The following PANK3 variants were observed in gnomAD, a reference collection of about 807,000 sequenced individuals.
The protein encoded by PANK3 is hPanK3.
PANK3 carries 20 observed loss-of-function variants against 39.4 expected under a neutral mutation model. The observed-to-expected ratio is 0.51, with a 90% CI of 0.36 to 0.74. The LOEUF (loss-of-function observed/expected upper bound fraction) is 0.74, where lower values mean the gene tolerates loss of function less well. PANK3 is among the 30% of genes least tolerant of loss of function. PANK3 has a pLI of 0.00. For synonymous variants in PANK3, 140 were observed against 157.3 expected (o/e 0.89, Z 0.82); for missense variants, 265 against 437.0 (o/e 0.61, Z 3.51).
chr5:168,574,677 A>G (rs1432989150), intron 1 of PANK3, among the ~76,000 whole-genome samples: 3 of 152,166 alleles, frequency 2.0e-5, no homozygotes, highest in Non-Finnish European at 2.9e-5. Flanking sequence ...CCTGGGCAAC[A>G]TGGTGAAACC....
chr5:168,560,736 CG>C (rs1759433117), intron 5 of PANK3, among the ~76,000 whole-genome samples: 2 of 152,074 alleles, frequency 1.3e-5, no homozygotes, highest in Non-Finnish European at 2.9e-5. Flanking sequence ...AAAAATTAAA[CG>C]GGCAAATATA....
chr5:168,554,465 T>C lies in PANK3; in HGVS notation c.*3106A>G, dbSNP rs552872299. ...TTATACTCAAGTCCTTATATTCGAT[T>C]ACAGGCATGAGCCACTGCACCCAGC... On this transcript the variant is annotated 3_prime_UTR_variant, in exon 7 of 7. Transcript: ENST00000239231. The C allele has an allele frequency of 6.6e-6, 1 of 152,342 alleles. No individual in the cohort carries two copies. Among genetic ancestry groups the C allele is most frequent in the East Asian group, 1.9e-4 (1 of 5,188 alleles). 9.4% of individuals were successfully genotyped at this position (152,342 alleles called of 1,614,324 possible).
chr5:168,559,369 G>A (rs182496486), intron 5 of PANK3, among the ~76,000 whole-genome samples: 1 of 152,248 alleles, frequency 6.6e-6, no homozygotes, highest in African/African-American at 2.4e-5. Context: ...TCCACAAAAT[G>A]TGTAACACCA....
rs530601898 is a variant in PANK3, at chr5:168,555,649, C to T, written c.*1922G>A. 2.6e-5 allele frequency: 4 copies of T among 152,280 alleles called. No homozygotes were observed. The highest frequency in any genetic ancestry group is 7.2e-5 in the African/African-American group (3 of 41,532). The allele number at this position is 152,280 out of a possible 1,614,324, so 9.4% of individuals were successfully genotyped here. On this transcript the variant is annotated 3_prime_UTR_variant, in exon 7 of 7. Coordinates refer to ENST00000239231, the MANE Select transcript of PANK3 (RefSeq NM_024594.4). ...TAGGAGATATTTAACCTTTTATTGT[C>T]CTTTAGAGCACATCTCAATTTGGAC... is the stretch of plus-strand genomic sequence containing the variant.
At chr5:168,559,505 G>A (rs115996182) in intron 5 of PANK3, among the ~76,000 whole-genome samples, 247 of 152,102 alleles carry the variant, frequency 1.6e-3, no homozygotes, top group African/African-American at 5.7e-3. Flanking sequence ...TATGGAAGGT[G>A]GTATATGGGA....
rs1463820467 is a variant in PANK3, at chr5:168,557,309, A to T, written c.*262T>A. On this transcript the variant is annotated 3_prime_UTR_variant, in exon 7 of 7. Transcript: ENST00000239231. ...TACTGCAATGTTGGCTACATAAAATAAAAAAATCTTTTTAAGAGGAAGCTC... is the reference window on the plus strand; with the variant it reads ...TACTGCAATGTTGGCTACATAAAATTAAAAAATCTTTTTAAGAGGAAGCTC... The T allele has an allele frequency of 2.2e-5, 10 of 461,188 alleles. No homozygotes were observed. The highest frequency in any genetic ancestry group is 5.9e-5 in the African/African-American group (3 of 51,164). The allele number at this position is 461,188 out of a possible 1,614,324, so 28.6% of individuals were successfully genotyped here. A position where few individuals can be genotyped will look rare whatever the true frequency, so the allele number is the denominator to read the frequency against.
chr5:168,548,758 A>G lies in PANK3; in HGVS notation c.*8813T>C, dbSNP rs1759231545. On this transcript the variant is annotated 3_prime_UTR_variant, in exon 7 of 7. Coordinates refer to ENST00000239231, the MANE Select transcript of PANK3 (RefSeq NM_024594.4). ...TTCAAATTTACATAAGATACTGTAC[A>G]TAAATGAAAAAATAAATTAGGTAAT... The G allele has an allele frequency of 6.6e-6, 1 of 152,358 alleles. No homozygotes were observed. The highest frequency in any genetic ancestry group is 1.5e-5 in the Non-Finnish European group (1 of 68,034). 9.4% of individuals were successfully genotyped at this position (152,358 alleles called of 1,614,324 possible). A position where few individuals can be genotyped will look rare whatever the true frequency, so the allele number is the denominator to read the frequency against.
Position 168,552,317 on chromosome 5 carries a change from T to C in PANK3, c.*5254A>G, listed in dbSNP as rs1034324950. 1.3e-5 allele frequency: 2 copies of C among 152,204 alleles called. No homozygotes were observed. The highest frequency in any genetic ancestry group is 6.5e-5 in the Admixed American group (1 of 15,278). The allele number at this position is 152,204 out of a possible 1,614,324, so 9.4% of individuals were successfully genotyped here. ...TGCTTCAGTGAAGTACGTATGTATT[T>C]TGGGTTGTTGGGAACTATGCCCAGT... is the stretch of plus-strand genomic sequence containing the variant. On this transcript the variant is annotated 3_prime_UTR_variant, in exon 7 of 7. Coordinates refer to ENST00000239231, the MANE Select transcript of PANK3 (RefSeq NM_024594.4).
At position 168,555,586 on chromosome 5, in the gene PANK3, C is replaced by T. The variant is rs1003999780; in HGVS notation, c.*1985G>A. 3 of 152,160 alleles carry T rather than the reference C, an allele frequency of 2.0e-5. No homozygotes were observed. Among genetic ancestry groups the T allele is most frequent in the Non-Finnish European group, 2.9e-5 (2 of 68,026 alleles). The allele number at this position is 152,160 out of a possible 1,614,324, so 9.4% of individuals were successfully genotyped here. A position where few individuals can be genotyped will look rare whatever the true frequency, so the allele number is the denominator to read the frequency against. On this transcript the variant is annotated 3_prime_UTR_variant, in exon 7 of 7. Transcript: ENST00000239231. ...GTATTTTTCTTTAACCCAATATTTC[C>T]AATGTTAACATTTCAACATGTAATC...
In PANK3 at chr5:168,562,662, A is replaced by T. The variant is rs573162122; in HGVS notation, c.813-1146T>A. Among the ~76,000 whole-genome samples, 10 of 152,316 alleles carry T rather than the reference A, an allele frequency of 6.6e-5. No homozygotes were observed. The South Asian group carries it at 1.4e-3, about 22-fold the overall frequency. ...AAGCCATGTATGGACATATTTGGAG[A>T]GGCCTTTTTAAATGTGTGAAAGGCA... On this transcript the variant is annotated intron_variant, in intron 4 of 6. Transcript: ENST00000239231.
chr5:168,579,319 C>T lies in PANK3; in HGVS notation c.-36G>A. 4 of 1,456,788 alleles carry T rather than the reference C, an allele frequency of 2.7e-6. No individual in the cohort carries two copies. Among genetic ancestry groups the T allele is most frequent in the East Asian group, 2.7e-5 (1 of 36,504 alleles). The allele number at this position is 1,456,788 out of a possible 1,614,324, so 90.2% of individuals were successfully genotyped here. ...CGAGGGGCGATGGACGGCCTCCGAT[C>T]CGGGGCACTGAGAGCAGAGGCGGCG... is the stretch of plus-strand genomic sequence containing the variant. On this transcript the variant is annotated 5_prime_UTR_variant, in exon 1 of 7. Transcript: ENST00000239231.
chr5:168,562,673 A>T (rs1174346458), intron 4 of PANK3, among the ~76,000 whole-genome samples: 1 of 152,234 alleles, frequency 6.6e-6, no homozygotes, highest in Non-Finnish European at 1.5e-5. Flanking sequence ...GGCCTTTTTA[A>T]ATGTGTGAAA....
intron 1 of PANK3, among the ~76,000 whole-genome samples, chr5:168,577,614 C>T (rs1759749530): frequency 6.6e-6 from 1 of 152,218 alleles, no homozygotes; most frequent in African/African-American, 2.4e-5. Context: ...GCTGGGATTT[C>T]AGGTGTGACC....
rs1759791952 is a variant in PANK3, at chr5:168,579,351, G to A, written c.-68C>T. ...ACTGAGAGCAGAGGCGGCGACTCCG[G>A]AGGTGGCTGGGCCGCGCGGCGAGGC... On this transcript the variant is annotated 5_prime_UTR_variant, in exon 1 of 7. Coordinates refer to ENST00000239231, the MANE Select transcript of PANK3 (RefSeq NM_024594.4). The A allele has an allele frequency of 1.5e-6, 2 of 1,341,170 alleles. No individual in the cohort carries two copies. The highest frequency in any genetic ancestry group is 1.5e-5 in the African/African-American group (1 of 65,916). The allele number at this position is 1,341,170 out of a possible 1,614,324, so 83.1% of individuals were successfully genotyped here.
intron 1 of PANK3, 41 bp downstream of exon 1, chr5:168,579,215 G>C: frequency 6.8e-7 from 1 of 1,481,110 alleles, no homozygotes; most frequent in Non-Finnish European, 9.0e-7. Flanking sequence ...CGGGGCCCAA[G>C]GGTGCCCTCC....
At chr5:168,578,461 G>A (rs749639460) in intron 1 of PANK3, among the ~76,000 whole-genome samples, 1 of 152,162 alleles carries the variant, frequency 6.6e-6, no homozygotes, top group Non-Finnish European at 1.5e-5. Context: ...CTTCTGGGAG[G>A]CTATACTTAA....
chr5:168,566,344 T>C (rs1280314124), intron 2 of PANK3, 78 bp from the exon 3 acceptor site: 3 of 1,449,070 alleles, frequency 2.1e-6, no homozygotes, highest in Non-Finnish European at 2.8e-6. Flanking sequence ...TGTATTACTT[T>C]ACAAAAATTA....
chr5:168,566,095 G>T lies in PANK3; in HGVS notation c.553C>A (p.Leu185Met), dbSNP rs200853439. The part of the protein sequence containing the change: ...MPFNLDDPYP[L>M]LVVNIGSGVS... ...CCTGAGCCAATGTTCACTACAAGCA[G>T]TGGATAGGGATCATCCAGGTTAAAA... The change falls in exon 3 of 7, where the codon CTG becomes ATG. Residue 185 changes from leucine (L) to methionine (M), a missense_variant. Leu to Met is a conservative substitution (Grantham distance 15, BLOSUM62 2). Coordinates refer to ENST00000239231, the MANE Select transcript of PANK3 (RefSeq NM_024594.4). The T allele has an allele frequency of 6.2e-4, 1,001 of 1,613,744 alleles. No individual in the cohort carries two copies. The highest frequency in any genetic ancestry group is 7.8e-4 in the Non-Finnish European group (918 of 1,179,962).
chr5:168,566,533 C>T (rs114492178), intron 2 of PANK3, among the ~76,000 whole-genome samples: 169 of 152,238 alleles, frequency 1.1e-3, no homozygotes, highest in Non-Finnish European at 1.7e-3. Context: ...TGATGCCAGA[C>T]ATCTTTAATG....
Sources: gnomAD v4.1 joint callset for allele counts (sites outside exome capture counted in the v4.1 genomes callset) on GRCh38, gnomAD v4.1.1 for gene constraint, MANE v1.5 for transcripts, NCBI Gene and HGNC (gene_info 2026-07-23, HGNC 2026-07-21) for gene names.